The following ITCH variants were observed in gnomAD, a reference collection of about 807,000 sequenced individuals.
ITCH encodes itchy E3 ubiquitin protein ligase.
A neutral mutation model predicts 126.8 loss-of-function variants in ITCH; 28 were observed. The ratio of observed to expected loss-of-function variants is 0.22; its 90% CI spans 0.16 to 0.30. ITCH has a LOEUF of 0.30. Among genes scored for constraint, ITCH ranks in the 10% least tolerant of loss-of-function variants. The pLI is 1.00. For synonymous variants in ITCH, 342 were observed against 340.0 expected (o/e 1.01, Z -0.06); for missense variants, 631 against 1,032.4 (o/e 0.61, Z 5.33).
At chr20:34,467,380 T>C (rs1987169261) in intron 14 of ITCH, among the ~76,000 whole-genome samples, 2 of 151,876 alleles carry the variant, frequency 1.3e-5, no homozygotes, top group African/African-American at 4.8e-5. Flanking sequence ...ATACAAAATA[T>C]TAGCTGGGTG....
chr20:34,504,454 T>A, intron 24 of ITCH, 51 bp downstream of exon 24: 1 of 1,218,308 alleles, frequency 8.2e-7, no homozygotes, highest in Non-Finnish European at 1.2e-6. Context: ...CAGTTATCTG[T>A]AGCTATTTAA....
chr20:34,399,947 G>GT lies in ITCH; in HGVS notation c.70+6076dup, dbSNP rs1026992940. Among the ~76,000 whole-genome samples, 32 of 147,050 alleles carry GT rather than the reference G, an allele frequency of 2.2e-4. 1 individual carries two copies. Among genetic ancestry groups the GT allele is most frequent in the South Asian group, 1.8e-3 (8 of 4,500 alleles). ...ACTAATTAAAAAAAATTGTGTTTTT[G>GT]TTTTTTTTTTAAGACGGAGTCTCGC... On this transcript the variant is annotated intron_variant, in intron 3 of 24. Transcript: ENST00000374864.
chr20:34,438,554 CA>C lies in ITCH; in HGVS notation c.603del (p.Leu202SerfsTer63), dbSNP rs1983332740. The C allele has an allele frequency of 6.2e-7, 1 of 1,613,850 alleles. No homozygotes were observed. The highest frequency in any genetic ancestry group is 8.5e-7 in the Non-Finnish European group (1 of 1,179,850). On this transcript the variant is annotated frameshift_variant, in exon 8 of 25. Transcript: ENST00000374864. LOFTEE classifies it high-confidence loss of function. ...NRRVSGNNSP[S>X]LSNGGFKPSR... ...AGAGTCAGTGGGAATAATTCTCCAT[CA>C]CTCTCAAATGGTGGTTTTAAACCTT...
At chr20:34,395,575 A>G (rs1241802114) in intron 3 of ITCH, among the ~76,000 whole-genome samples, 2 of 152,154 alleles carry the variant, frequency 1.3e-5, no homozygotes, top group Non-Finnish European at 2.9e-5. Context: ...CGTCCTTCCA[A>G]AAAGAAGCCC....
rs1988224109 is a variant in ITCH at position 34,476,361 on chromosome 20, C to G, written c.1570-1411C>G. ...CGCTCCGGCCCGGTCCCCGGCTCCT[C>G]AGCAGGCCGCTGGCTCCAGCGCGGG... On this transcript the variant is annotated intron_variant, in intron 16 of 24. Transcript: ENST00000374864. The G allele has an allele frequency of 3.9e-5, 52 of 1,342,818 alleles. No individual in the cohort carries two copies. The South Asian group carries it at 7.6e-4, about 20-fold the overall frequency. 83.2% of individuals were successfully genotyped at this position (1,342,818 alleles called of 1,614,324 possible). A position where few individuals can be genotyped will look rare whatever the true frequency, so the allele number is the denominator to read the frequency against.
At chr20:34,446,451 A>G (rs990058294) in intron 11 of ITCH, among the ~76,000 whole-genome samples, 3 of 152,186 alleles carry the variant, frequency 2.0e-5, no homozygotes, top group African/African-American at 7.2e-5. Context: ...TCACTGCTGT[A>G]GACAAATTCA....
chr20:34,507,893 A>C lies in ITCH; in HGVS notation c.*99A>C. Reference sequence around the variant, plus strand: ...TTGTAAAATTGGACAATGGCTCTTTAGAGAGTTATCTGAGTGTAAGTAAAT... The same window carrying C: ...TTGTAAAATTGGACAATGGCTCTTTCGAGAGTTATCTGAGTGTAAGTAAAT... On this transcript the variant is annotated 3_prime_UTR_variant, in exon 25 of 25. Transcript: ENST00000374864. The C allele has an allele frequency of 1.2e-6, 1 of 832,744 alleles. No individual in the cohort carries two copies. The highest frequency in any genetic ancestry group is 2.1e-6 in the Non-Finnish European group (1 of 483,252). 51.6% of individuals were successfully genotyped at this position (832,744 alleles called of 1,614,324 possible). A position where few individuals can be genotyped will look rare whatever the true frequency, so the allele number is the denominator to read the frequency against.
At chr20:34,487,249 T>A (rs1214990211) in intron 20 of ITCH, among the ~76,000 whole-genome samples, 2 of 151,314 alleles carry the variant, frequency 1.3e-5, no homozygotes, top group Non-Finnish European at 3.0e-5. Flanking sequence ...CCTGACCTCG[T>A]GATCCCCTCA....
intron 9 of ITCH, 116 bp from the exon 10 acceptor site, chr20:34,442,092 G>A (rs1983832385): frequency 1.3e-6 from 1 of 752,604 alleles, no homozygotes; most frequent in South Asian, 1.4e-5. Flanking sequence ...TTTCTAAACT[G>A]ATGTCCTTAT....
At chr20:34,394,731 T>C (rs564399836) in intron 3 of ITCH, among the ~76,000 whole-genome samples, 1 of 152,160 alleles carries the variant, frequency 6.6e-6, no homozygotes, top group Non-Finnish European at 1.5e-5. Context: ...TACCCCATCA[T>C]GCAATGGGGT....
intron 3 of ITCH, among the ~76,000 whole-genome samples, chr20:34,404,743 A>G (rs1478960121): frequency 6.6e-6 from 1 of 152,154 alleles, no homozygotes; most frequent in Non-Finnish European, 1.5e-5. Context: ...AAATTAGGAC[A>G]GTAATACCTG....
Position 34,412,632 on chromosome 20 carries a change from T to C in ITCH, c.330T>C (p.Asn110=), listed in dbSNP as rs1200177433. The change falls in exon 5 of 25, where the codon AAT becomes AAC. Residue 110 remains asparagine, a synonymous_variant. Coordinates refer to ENST00000374864, the MANE Select transcript of ITCH (RefSeq NM_031483.7). ...LDIYETLKSN[N]MKLEEVVVTL... ...TTTATGAAACATTAAAGTCAAACAA[T>C]ATGAAACGTATGTATGTAAGACTAA... The C allele has an allele frequency of 1.2e-6, 2 of 1,605,576 alleles. No individual in the cohort carries two copies. Among genetic ancestry groups the C allele is most frequent in the African/African-American group, 1.3e-5 (1 of 74,716 alleles).
At chr20:34,457,859 G>A (rs1308831324) in intron 13 of ITCH, among the ~76,000 whole-genome samples, 2 of 152,056 alleles carry the variant, frequency 1.3e-5, no homozygotes, top group Admixed American at 1.3e-4. Context: ...TGAGGTGGGA[G>A]GATCACCTGA....
chr20:34,470,989 T>C (rs917397102), intron 15 of ITCH, among the ~76,000 whole-genome samples: 5 of 152,192 alleles, frequency 3.3e-5, no homozygotes, highest in African/African-American at 7.2e-5. Context: ...TATTCAGTGT[T>C]TTTTTCAGAT....
intron 7 of ITCH, among the ~76,000 whole-genome samples, chr20:34,432,412 G>A (rs1000324851): frequency 3.3e-5 from 5 of 151,922 alleles, no homozygotes; most frequent in Non-Finnish European, 2.9e-5. Flanking sequence ...CTTAAAAATA[G>A]GCAAAATTAT....
At chr20:34,399,621 A>G (rs1012660172) in intron 3 of ITCH, among the ~76,000 whole-genome samples, 5 of 152,078 alleles carry the variant, frequency 3.3e-5, no homozygotes, top group Non-Finnish European at 5.9e-5. Context: ...CGGGCAGATC[A>G]TCCGAGGTCA....
chr20:34,380,564 C>T (rs2038018618), intron 2 of ITCH, among the ~76,000 whole-genome samples: 1 of 138,764 alleles, frequency 7.2e-6, no homozygotes, highest in Non-Finnish European at 1.5e-5. Flanking sequence ...CAGATTTTAT[C>T]TCCTAGCCTA....
chr20:34,438,693 G>A, intron 8 of ITCH, 62 bp downstream of exon 8: 4 of 1,559,068 alleles, frequency 2.6e-6, no homozygotes, highest in Non-Finnish European at 3.5e-6. Context: ...TAATCCTCAG[G>A]TAAGTGTCAG....
At chr20:34,453,650 G>T (rs537986927) in intron 12 of ITCH, among the ~76,000 whole-genome samples, 2 of 152,028 alleles carry the variant, frequency 1.3e-5, no homozygotes, top group African/African-American at 4.8e-5. Flanking sequence ...TATACTTAGG[G>T]TATTATTTTT....
Sources: gnomAD v4.1 joint callset for allele counts (sites outside exome capture counted in the v4.1 genomes callset) on GRCh38, gnomAD v4.1.1 for gene constraint, MANE v1.5 for transcripts, NCBI Gene and HGNC (gene_info 2026-07-23, HGNC 2026-07-21) for gene names.